The following RHBDL3 variants were observed in gnomAD, a reference collection of about 807,000 sequenced individuals.
The protein encoded by RHBDL3 is rhomboid-related protein 3.
In RHBDL3, 28 loss-of-function variants were observed where a neutral mutation model predicts 48.2. The observed-to-expected ratio is 0.58, with a 90% confidence interval of 0.43 to 0.80. RHBDL3 has a LOEUF of 0.80. Among genes scored for constraint, RHBDL3 ranks in the 30% least tolerant of loss-of-function variants. The probability of loss-of-function intolerance (pLI) is 0.00; values close to 1 mark genes in which losing one functional copy is unlikely to be tolerated. For missense variants in RHBDL3, 464 were observed against 542.7 expected, an observed-to-expected ratio of 0.85 and a Z score of 1.44; for synonymous variants, 208 against 232.3, an observed-to-expected ratio of 0.90 and a Z score of 0.95.
At chr17:32,282,748 A>C (rs566185636) in intron 2 of RHBDL3, among the ~76,000 whole-genome samples, 1 of 151,916 alleles carries the variant, frequency 6.6e-6, no homozygotes, top group Non-Finnish European at 1.5e-5. Context: ...TCAGCCTCCC[A>C]AGTAGCTGGG....
chr17:32,280,209 T>TACGGCCCATTCACAGCCC (rs2040010782), intron 2 of RHBDL3, among the ~76,000 whole-genome samples: 1 of 152,148 alleles, frequency 6.6e-6, no homozygotes, highest in Non-Finnish European at 1.5e-5. Context: ...GCTGGGCCCC[T>TACGGCCCATTCACAGCCC]ACGGCCCATT....
intron 2 of RHBDL3, among the ~76,000 whole-genome samples, chr17:32,277,506 T>C (rs1036260526): frequency 2.6e-5 from 4 of 152,236 alleles, no homozygotes; most frequent in African/African-American, 9.6e-5. Flanking sequence ...GTTTGCTCCC[T>C]GAGAGCTCGG....
intron 6 of RHBDL3, among the ~76,000 whole-genome samples, chr17:32,299,050 T>G (rs2040521464): frequency 6.6e-6 from 1 of 151,488 alleles, no homozygotes; most frequent in Non-Finnish European, 1.5e-5. Flanking sequence ...CCGGCTGTTT[T>G]TTTTTTTTTT....
At chr17:32,282,641 G>T (rs533099092) in intron 2 of RHBDL3, among the ~76,000 whole-genome samples, 29 of 150,600 alleles carry the variant, frequency 1.9e-4, no homozygotes, top group South Asian at 1.9e-3. Context: ...TTTCTTTTTT[G>T]AGACGGAGTC....
At chr17:32,285,227 A>AC (rs1237220687) in intron 3 of RHBDL3, among the ~76,000 whole-genome samples, 2 of 152,144 alleles carry the variant, frequency 1.3e-5, no homozygotes, top group African/African-American at 4.8e-5. Context: ...TAGCTCTTGC[A>AC]CAAGGCCTGG....
intron 7 of RHBDL3, among the ~76,000 whole-genome samples, chr17:32,306,745 A>G (rs2040719956): frequency 6.6e-6 from 1 of 151,684 alleles, no homozygotes; most frequent in Admixed American, 6.6e-5. Context: ...ACATGGTGAA[A>G]CTCCATCTCT....
chr17:32,267,655 G>GGCGCCCCCCCC, intron 1 of RHBDL3: 2 of 306,120 alleles, frequency 6.5e-6, no homozygotes, highest in Middle Eastern at 1.1e-3. Context: ...CACCCACCTT[G>GGCGCCCCCCCC]CCGCCCCCGC....
chr17:32,296,253 A>G (rs892247368), intron 5 of RHBDL3, among the ~76,000 whole-genome samples: 5 of 150,990 alleles, frequency 3.3e-5, no homozygotes, highest in African/African-American at 4.9e-5. Context: ...AAAAAAAAAA[A>G]AAAAAGAAAA....
At chr17:32,319,052 C>T (rs1245913450) in intron 8 of RHBDL3, among the ~76,000 whole-genome samples, 1 of 151,720 alleles carries the variant, frequency 6.6e-6, no homozygotes, top group Non-Finnish European at 1.5e-5. Context: ...TGTGTCATAG[C>T]TTCTGCGTCT....
In RHBDL3 at chr17:32,284,810, T is replaced by C; in HGVS notation, c.287T>C (p.Val96Ala). 6.2e-7 allele frequency: 1 copy of C among 1,613,814 alleles called. No individual in the cohort carries two copies. The highest frequency in any genetic ancestry group is 8.5e-7 in the Non-Finnish European group (1 of 1,179,974). Reference protein sequence around the residue: ...ADGQIGYQDFVSLMSNKRSNS... With the variant: ...ADGQIGYQDFASLMSNKRSNS... The stretch of plus-strand genomic sequence containing the variant: ...GGGCAGATCGGCTACCAGGATTTTG[T>C]CAGCCTAGTGAGTGCTCTGGGGCCC... The change falls in exon 3 of 9, where the codon GTC becomes GCC. Residue 96 changes from valine (V) to alanine (A), a missense_variant. Physicochemically the swap from Val to Ala is moderately conservative, Grantham distance 64. Coordinates refer to ENST00000269051, the MANE Select transcript of RHBDL3 (RefSeq NM_138328.3).
intron 2 of RHBDL3, among the ~76,000 whole-genome samples, chr17:32,275,341 C>A (rs1399931874): frequency 6.6e-6 from 1 of 152,194 alleles, no homozygotes; most frequent in Non-Finnish European, 1.5e-5. Context: ...CCCCTGGCAG[C>A]CCCCTCAGTG....
chr17:32,314,797 C>G (rs2040931457), intron 7 of RHBDL3, among the ~76,000 whole-genome samples: 1 of 152,216 alleles, frequency 6.6e-6, no homozygotes, highest in African/African-American at 2.4e-5. Flanking sequence ...TCGCTAGATT[C>G]AGGGGAGGGC....
intron 3 of RHBDL3, among the ~76,000 whole-genome samples, chr17:32,287,267 G>A (rs2040219336): frequency 6.6e-6 from 1 of 152,142 alleles, no homozygotes; most frequent in South Asian, 2.1e-4. Flanking sequence ...ACTCCCCTGT[G>A]CAGGTGCATC....
rs138890553 is a variant in RHBDL3 at position 32,294,327 on chromosome 17, G to T, written c.553G>T (p.Gly185Cys). 3 of 1,613,976 alleles carry T rather than the reference G, an allele frequency of 1.9e-6. No homozygotes were observed. Among genetic ancestry groups the T allele is most frequent in the Non-Finnish European group, 2.5e-6 (3 of 1,179,982 alleles). The change falls in exon 5 of 9, where the codon GGT becomes TGT. Residue 185 changes from glycine to cysteine, a missense_variant. Coordinates refer to ENST00000269051, the MANE Select transcript of RHBDL3 (RefSeq NM_138328.3). Reference sequence around the variant, plus strand: ...TTTCCTCTACAATGGGGTGTCACTAGGTCAATTTGTACTGCAGGTAACTCA... The same window carrying T: ...TTTCCTCTACAATGGGGTGTCACTATGTCAATTTGTACTGCAGGTAACTCA... ...AFFLYNGVSL[G>C]QFVLQVTHPR...
rs1249655430 is a variant in RHBDL3, at chr17:32,319,546, T to TGGA, written c.944-1411_944-1409dup. On this transcript the variant is annotated intron_variant, in intron 8 of 8. Transcript: ENST00000269051. Reference sequence around the variant, plus strand: ...AACCCTGGACCTGGGGAGCCAAGGCTGGAAGGCTGTCCCAGGGCAGGAGTG... The same window carrying TGGA: ...AACCCTGGACCTGGGGAGCCAAGGCTGGAGGAAGGCTGTCCCAGGGCAGGAGTG... Among the ~76,000 whole-genome samples, 3 of 151,744 alleles carry TGGA rather than the reference T, an allele frequency of 2.0e-5. No individual in the cohort carries two copies. In the East Asian group the frequency reaches 5.8e-4, roughly 29 times the overall value.
chr17:32,294,470 C>CA, intron 5 of RHBDL3, 28 bp downstream of exon 5: 1 of 1,594,784 alleles, frequency 6.3e-7, no homozygotes, highest in Non-Finnish European at 8.5e-7. Context: ...TTTGCTCTGT[C>CA]AAAAGACCCT....
rs1264947186 is a variant in RHBDL3, at chr17:32,288,974, C to T, written c.477C>T (p.Cys159=). 1 of 1,614,084 alleles carries T rather than the reference C, an allele frequency of 6.2e-7. No individual in the cohort carries two copies. The highest frequency in any genetic ancestry group is 8.5e-7 in the Non-Finnish European group (1 of 1,180,042). Residue 159 remains cysteine (C), a synonymous_variant, in exon 4 of 9, where the codon TGC becomes TGT. Coordinates refer to ENST00000269051, the MANE Select transcript of RHBDL3 (RefSeq NM_138328.3). ...DRKWYYDSYT[C]CPPPWFMITV... ...AGTGGTACTATGACAGCTACACCTG[C>T]TGCCCCCCACCCTGGTTCATGATCA...
intron 4 of RHBDL3, among the ~76,000 whole-genome samples, chr17:32,292,008 G>GAT (rs770516725): frequency 1.8e-4 from 27 of 152,154 alleles, no homozygotes; most frequent in Non-Finnish European, 2.6e-4. Flanking sequence ...CTGACCTTGT[G>GAT]ATCTGCCCGC....
chr17:32,312,481 C>T (rs1013205346), intron 7 of RHBDL3, among the ~76,000 whole-genome samples: 5 of 152,066 alleles, frequency 3.3e-5, no homozygotes, highest in African/African-American at 9.7e-5. Context: ...CAGAGGGGGC[C>T]GAGCACAAAT....
Sources: allele counts gnomAD v4.1 joint callset (sites outside exome capture counted in the v4.1 genomes callset), GRCh38; gene constraint gnomAD v4.1.1; transcripts MANE v1.5; gene names NCBI Gene and HGNC (gene_info 2026-07-23, HGNC 2026-07-21).